Variants in ELOF1 observed in about 807,000 individuals in gnomAD.
ELOF1 encodes the protein elongation factor 1.
ELOF1 carries 4 observed loss-of-function variants against 7.1 expected under a neutral mutation model. That is an observed-to-expected ratio of 0.56 (90% CI 0.28 to 1.29). ELOF1 has a LOEUF of 1.29. ELOF1 is among the 50% of genes most tolerant of loss of function. ELOF1 has a pLI of 0.10. For synonymous variants in ELOF1, 31 were observed against 31.9 expected, an observed-to-expected ratio of 0.97 and a Z score of 0.09; for missense variants, 59 against 86.3, an observed-to-expected ratio of 0.68 and a Z score of 1.25.
intron 3 of ELOF1, chr19:11,553,554 TCACA>T: frequency 1.5e-6 from 1 of 670,960 alleles, no homozygotes; most frequent in Non-Finnish European, 2.5e-6. Context: ...CCACACTCAC[TCACA>T]CCCACACCCA....
At chr19:11,553,255 C>CCTTCACCAA in intron 3 of ELOF1, 1 of 396,304 alleles carries the variant, frequency 2.5e-6, no homozygotes, top group Non-Finnish European at 4.5e-6. Flanking sequence ...AGAAGGAGAG[C>CCTTCACCAA]GGGAAGTCCA....
intron 1 of ELOF1, 73 bp from the exon 2 acceptor site, chr19:11,554,438 G>A: frequency 1.3e-6 from 2 of 1,552,608 alleles, no homozygotes; most frequent in South Asian, 2.4e-5. Context: ...TAGAAAGCAG[G>A]CCGGAAAGAG....
At chr19:11,558,424 T>C (rs971439527) in intron 1 of ELOF1, among the ~76,000 whole-genome samples, 1 of 151,836 alleles carries the variant, frequency 6.6e-6, no homozygotes, top group Non-Finnish European at 1.5e-5. Context: ...CAATAACCAT[T>C]ACTGAATAAA....
intron 1 of ELOF1, chr19:11,555,174 C>CT (rs1030471277): frequency 3.9e-6 from 1 of 257,540 alleles, no homozygotes; most frequent in African/African-American, 2.4e-5. Flanking sequence ...GGAGACTCAC[C>CT]TGAACCCAAG....
At chr19:11,558,497 T>C (rs2145062257) in intron 1 of ELOF1, among the ~76,000 whole-genome samples, 1 of 152,074 alleles carries the variant, frequency 6.6e-6, no homozygotes, top group East Asian at 1.9e-4. Flanking sequence ...ATCTCATCAC[T>C]TTGGGAGGCC....
At chr19:11,555,131 C>A in intron 1 of ELOF1, 1 of 247,378 alleles carries the variant, frequency 4.0e-6, no homozygotes, top group Non-Finnish European at 8.3e-6. Context: ...GTGGCAGGCA[C>A]CCGTAACCCC....
chr19:11,553,581 CTACACACACA>C, intron 3 of ELOF1: 2 of 677,086 alleles, frequency 3.0e-6, no homozygotes, highest in Non-Finnish European at 4.8e-6. Flanking sequence ...CGCACACCCA[CTACACACACA>C]CACACACACA....
chr19:11,553,641 C>G, intron 3 of ELOF1: 1 of 1,240,336 alleles, frequency 8.1e-7, no homozygotes, highest in South Asian at 1.3e-5. Context: ...ACGGCTGTGA[C>G]AGCCCAGGAC....
chr19:11,553,806 C>G, intron 3 of ELOF1: 1 of 1,614,202 alleles, frequency 6.2e-7, no homozygotes, highest in Non-Finnish European at 8.5e-7. Context: ...CGGGTTCTGA[C>G]AGATCTGGGC....
intron 1 of ELOF1, among the ~76,000 whole-genome samples, chr19:11,556,590 C>T (rs573298515): frequency 3.9e-5 from 6 of 152,158 alleles, no homozygotes; most frequent in Non-Finnish European, 8.8e-5. Context: ...TGAGCCACCA[C>T]GCCCAGCCAA....
chr19:11,558,098 C>T (rs1333833133), intron 1 of ELOF1, among the ~76,000 whole-genome samples: 3 of 152,208 alleles, frequency 2.0e-5, no homozygotes, highest in Non-Finnish European at 4.4e-5. Flanking sequence ...AAGCCCCTGA[C>T]ATTGCAACCT....
At chr19:11,558,747 A>G (rs1034351861) in intron 1 of ELOF1, among the ~76,000 whole-genome samples, 12 of 150,804 alleles carry the variant, frequency 8.0e-5, no homozygotes, top group Admixed American at 7.9e-4. Context: ...AAAAAAGTCC[A>G]AACAAAATCT....
chr19:11,555,313 G>C (rs1406025390), intron 1 of ELOF1: 1 of 162,704 alleles, frequency 6.1e-6, no homozygotes, highest in African/African-American at 2.4e-5. Context: ...GGAGACTTGT[G>C]GGGCTGACAC....
chr19:11,559,045 G>A (rs960124611), intron 1 of ELOF1, 146 bp downstream of exon 1: 13 of 152,048 alleles, frequency 8.5e-5, no homozygotes, highest in Admixed American at 7.2e-4. Context: ...GGATGGGGTC[G>A]GGGGGAGTCA....
At chr19:11,554,504 C>CA in intron 1 of ELOF1, 139 bp from the exon 2 acceptor site, 14 of 1,238,330 alleles carry the variant, frequency 1.1e-5, no homozygotes, top group Non-Finnish European at 1.5e-5. Context: ...ACGAGGCCCT[C>CA]AGTCCTGATG....
intron 1 of ELOF1, among the ~76,000 whole-genome samples, chr19:11,557,427 T>C (rs1021134712): frequency 9.0e-4 from 117 of 129,926 alleles, no homozygotes; most frequent in Middle Eastern, 5.8e-3. Flanking sequence ...GAAACCCCAT[T>C]TCTACTAAAA....
chr19:11,554,182 G>T, intron 2 of ELOF1, 50 bp downstream of exon 2: 1 of 1,613,658 alleles, frequency 6.2e-7, no homozygotes, highest in Non-Finnish European at 8.5e-7. Flanking sequence ...GGAGAACAGC[G>T]GGGAAGAGGC....
intron 1 of ELOF1, among the ~76,000 whole-genome samples, chr19:11,557,542 G>A (rs1295586073): frequency 2.0e-5 from 3 of 148,658 alleles, no homozygotes; most frequent in Non-Finnish European, 3.0e-5. Flanking sequence ...GTTTCAGTGA[G>A]CTGAGATTGT....
intron 1 of ELOF1, among the ~76,000 whole-genome samples, chr19:11,556,787 C>G (rs1972840813): frequency 6.6e-6 from 1 of 152,202 alleles, no homozygotes; most frequent in Non-Finnish European, 1.5e-5. Flanking sequence ...AGCCTCAATC[C>G]TCTGGCCTCA....
Sources: gnomAD v4.1 joint callset for allele counts (sites outside exome capture counted in the v4.1 genomes callset) on GRCh38, gnomAD v4.1.1 for gene constraint, MANE v1.5 for transcripts, NCBI Gene and HGNC (gene_info 2026-07-23, HGNC 2026-07-21) for gene names.